The following NOX4 variants were observed in gnomAD, a reference collection of about 807,000 sequenced individuals.
The protein encoded by NOX4 is kidney oxidase-1.
In NOX4, 69 loss-of-function variants were observed where a neutral mutation model predicts 87.6. The observed-to-expected ratio is 0.79, with a 90% CI of 0.65 to 0.96. NOX4 has a LOEUF of 0.96. Ranked by LOEUF, NOX4 falls within the 40% of genes least tolerant of loss-of-function variation. NOX4 has a pLI of 0.00. For missense variants in NOX4, 680 were observed against 681.5 expected (o/e 1.00, Z 0.02); for synonymous variants, 275 against 238.2 (o/e 1.15, Z -1.42).
the NOX4 span, among the ~76,000 whole-genome samples, chr11:89,514,605 T>G: frequency 6.6e-6 from 1 of 151,996 alleles, no homozygotes; most frequent in Non-Finnish European, 1.5e-5. Flanking sequence ...GAGTACTTCT[T>G]ATGATGTTAG....
intron 12 of NOX4, among the ~76,000 whole-genome samples, chr11:89,356,209 T>C (rs1938033105): frequency 6.6e-6 from 1 of 151,886 alleles, no homozygotes; most frequent in Non-Finnish European, 1.5e-5. Flanking sequence ...GGGGATGAAA[T>C]AGGAGAGAAG....
chr11:89,584,824 GA>G, the NOX4 span, among the ~76,000 whole-genome samples: 1 of 152,018 alleles, frequency 6.6e-6, no homozygotes, highest in Admixed American at 6.6e-5. Context: ...TGCATGTAGA[GA>G]GAGATCATTC....
At chr11:89,542,855 C>T in the NOX4 span, among the ~76,000 whole-genome samples, 1 of 152,120 alleles carries the variant, frequency 6.6e-6, no homozygotes, top group African/African-American at 2.4e-5. Context: ...AAGAGACGCA[C>T]TCCAACAAAA....
At chr11:89,582,834 C>T in the NOX4 span, among the ~76,000 whole-genome samples, 1 of 152,174 alleles carries the variant, frequency 6.6e-6, no homozygotes, top group Non-Finnish European at 1.5e-5. Context: ...CTCAAACCTC[C>T]TTATCAGGAC....
At chr11:89,432,735 C>T (rs371025854) in intron 7 of NOX4, 49 bp downstream of exon 7, 29 of 1,357,922 alleles carry the variant, frequency 2.1e-5, no homozygotes, top group Admixed American at 3.4e-5. Context: ...AAGACTTTTT[C>T]TAAATAACCT....
intron 8 of NOX4, among the ~76,000 whole-genome samples, chr11:89,408,071 C>G (rs921399410): frequency 2.0e-5 from 3 of 151,924 alleles, no homozygotes; most frequent in African/African-American, 7.3e-5. Context: ...GAGTTTAATT[C>G]AAACAATAAA....
At chr11:89,436,803 A>T (rs1404463098) in intron 6 of NOX4, among the ~76,000 whole-genome samples, 2 of 152,136 alleles carry the variant, frequency 1.3e-5, no homozygotes, top group Non-Finnish European at 2.9e-5. Context: ...GATATATAGT[A>T]AGCATTTTTA....
chr11:89,486,833 T>C lies in NOX4; in HGVS notation c.153+3625A>G, dbSNP rs187562704. 1.3e-4 allele frequency among the ~76,000 whole-genome samples: 19 copies of C among 151,936 alleles called. 1 individual carries two copies. The East Asian group carries it at 3.7e-3, about 29-fold the overall frequency. On this transcript the variant is annotated intron_variant, in intron 2 of 17. Transcript: ENST00000263317. ...CTCCCACCTTGGCCTCCCAAACCAA[T>C]AATTTTTGTAGTTCCACAACTTCCC...
At chr11:89,527,615 T>G in the NOX4 span, among the ~76,000 whole-genome samples, 1 of 152,242 alleles carries the variant, frequency 6.6e-6, no homozygotes, top group Non-Finnish European at 1.5e-5. Flanking sequence ...TAGCTCAGGC[T>G]GTTGCTTCAG....
intron 2 of NOX4, among the ~76,000 whole-genome samples, chr11:89,465,732 A>G (rs12223345): frequency 0.16 from 24,282 of 151,946 alleles, 2,808 homozygotes; most frequent in African/African-American, 0.31. Flanking sequence ...GATGACCAGC[A>G]ATGATGAGCA....
chr11:89,336,722 G>A (rs1175785320), intron 16 of NOX4, among the ~76,000 whole-genome samples: 1 of 151,916 alleles, frequency 6.6e-6, no homozygotes, highest in African/African-American at 2.4e-5. Context: ...GACTTACTTC[G>A]TGAGACTGGT....
the NOX4 span, among the ~76,000 whole-genome samples, chr11:89,556,533 G>A: frequency 6.6e-6 from 1 of 151,562 alleles, no homozygotes; most frequent in East Asian, 2.0e-4. Flanking sequence ...GGGGAAGGGA[G>A]GGGAAGGGAG....
intron 11 of NOX4, among the ~76,000 whole-genome samples, chr11:89,378,601 T>A (rs1940039824): frequency 6.6e-6 from 1 of 152,058 alleles, no homozygotes; most frequent in African/African-American, 2.4e-5. Context: ...ATCAGTTGAA[T>A]AAATATTATA....
At chr11:89,553,946 C>A in the NOX4 span, among the ~76,000 whole-genome samples, 1 of 150,230 alleles carries the variant, frequency 6.7e-6, no homozygotes, top group Non-Finnish European at 1.5e-5. Context: ...CCAAGTTAGA[C>A]TCCTATCCGC....
At chr11:89,451,663 C>G (rs1944967615) in intron 3 of NOX4, 122 bp downstream of exon 3, 2 of 663,434 alleles carry the variant, frequency 3.0e-6, no homozygotes, top group African/African-American at 3.6e-5. Context: ...ATGTCTTTTA[C>G]CATCATCTTA....
In NOX4 at chr11:89,363,826, A is replaced by G. The variant is rs374618486; in HGVS notation, c.1136-8783T>C. Among the ~76,000 whole-genome samples, 100 of 152,264 alleles carry G rather than the reference A, an allele frequency of 6.6e-4. 1 individual carries two copies. In the South Asian group the frequency reaches 0.018, roughly 28 times the overall value. ...GGTAACTCAATAATAATACATGGTA[A>G]TGCATAGTAATACATGGTAACTGAA... is the stretch of plus-strand genomic sequence containing the variant. On this transcript the variant is annotated intron_variant, in intron 12 of 17. Transcript: ENST00000263317.
chr11:89,570,873 T>G, the NOX4 span, among the ~76,000 whole-genome samples: 1 of 152,198 alleles, frequency 6.6e-6, no homozygotes, highest in Non-Finnish European at 1.5e-5. Context: ...GGCTCAATAC[T>G]TTATCTTGTC....
At position 89,340,062 on chromosome 11, in the gene NOX4, C is replaced by A; in HGVS notation, c.1446+1G>T. ...AAAACTAGAACCAACCCTAATGTTACCTTGTTATGCAACATACAGAGTAAA... is the reference window on the plus strand; with the variant it reads ...AAAACTAGAACCAACCCTAATGTTAACTTGTTATGCAACATACAGAGTAAA... On this transcript the variant is annotated splice_donor_variant, in intron 15 of 17. Coordinates refer to ENST00000263317, the MANE Select transcript of NOX4 (RefSeq NM_016931.5). LOFTEE classifies it high-confidence loss of function. 3 of 1,509,864 alleles carry A rather than the reference C, an allele frequency of 2.0e-6. No homozygotes were observed. Among genetic ancestry groups the A allele is most frequent in the Non-Finnish European group, 2.7e-6 (3 of 1,127,994 alleles). The allele number at this position is 1,509,864 out of a possible 1,614,324, so 93.5% of individuals were successfully genotyped here.
the NOX4 span, among the ~76,000 whole-genome samples, chr11:89,542,471 T>C: frequency 3.3e-4 from 51 of 152,334 alleles, no homozygotes; most frequent in Non-Finnish European, 3.1e-4. Context: ...TAATTAAGGC[T>C]ATGGCAAACC....
Sources: gnomAD v4.1 joint callset for allele counts (sites outside exome capture counted in the v4.1 genomes callset) on GRCh38, gnomAD v4.1.1 for gene constraint, MANE v1.5 for transcripts, NCBI Gene and HGNC (gene_info 2026-07-23, HGNC 2026-07-21) for gene names.